The following NRTN variants were observed in gnomAD, a reference collection of about 807,000 sequenced individuals.
NRTN encodes neurturin.
Under a neutral mutation model 7.5 loss-of-function variants are expected in NRTN, and 3 were observed. That is an observed-to-expected ratio of 0.40 (90% CI 0.18 to 1.03). The LOEUF (loss-of-function observed/expected upper bound fraction) is 1.03. NRTN is among the 50% of genes least tolerant of loss of function. The pLI, the probability that NRTN is intolerant of heterozygous loss-of-function variation, is 0.34. For synonymous variants in NRTN, 157 were observed against 146.6 expected (o/e 1.07, Z -0.51); for missense variants, 310 against 307.0 (o/e 1.01, Z -0.07).
intron 1 of NRTN, among the ~76,000 whole-genome samples, chr19:5,808,944 A>G (rs2056981934): frequency 1.3e-5 from 2 of 150,750 alleles, no homozygotes; most frequent in South Asian, 4.2e-4. Context: ...TTTAGTAAGG[A>G]CGGGGTTTCA....
At chr19:5,826,740 GGGGCTTCC>G in intron 2 of NRTN, among the ~76,000 whole-genome samples, 1 of 152,294 alleles carries the variant, frequency 6.6e-6, no homozygotes, top group Non-Finnish European at 1.5e-5. Flanking sequence ...GTTCTCTCCC[GGGGCTTCC>G]GAGTTTGGGG....
At position 5,806,653 on chromosome 19, in the gene NRTN, C is replaced by T. The variant is rs1400006996; in HGVS notation, c.-399+1202C>T. On this transcript the variant is annotated intron_variant, in intron 1 of 2. Coordinates refer to ENST00000303212, the MANE Select transcript of NRTN (RefSeq NM_004558.5). The surrounding 1 kb of genome is among the most constrained non-coding windows in gnomAD (Gnocchi z 5.4). Reference sequence around the variant, plus strand: ...CCTCCTCCCTTCATCCTAAGACTCCCGAGGTTCATAGCTCCGGCACCGACT... The same window carrying T: ...CCTCCTCCCTTCATCCTAAGACTCCTGAGGTTCATAGCTCCGGCACCGACT... Among the ~76,000 whole-genome samples the T allele has an allele frequency of 2.0e-5, 3 of 152,084 alleles. No homozygotes were observed. The highest frequency in any genetic ancestry group is 4.4e-5 in the Non-Finnish European group (3 of 68,008).
At chr19:5,807,892 G>T (rs1388595188) in intron 1 of NRTN, among the ~76,000 whole-genome samples, 1 of 152,190 alleles carries the variant, frequency 6.6e-6, no homozygotes, top group Non-Finnish European at 1.5e-5. Flanking sequence ...AGACTAGCCT[G>T]GGAAACATAG....
chr19:5,817,541 GAGAA>G lies in NRTN; in HGVS notation c.-398-6224_-398-6221del, dbSNP rs1417154689. 1.6e-4 allele frequency among the ~76,000 whole-genome samples: 19 copies of G among 117,178 alleles called. No homozygotes were observed. In the East Asian group the frequency reaches 2.4e-3, roughly 15 times the overall value. 76.9% of individuals were successfully genotyped at this position (117,178 alleles called of 152,430 possible). ...GGAGAGAGAGAGGAAGAAAAAGAAA[GAGAA>G]AGGAAATAGGAAGGAAGGAAGGGAG... On this transcript the variant is annotated intron_variant, in intron 1 of 2. Coordinates refer to ENST00000303212, the MANE Select transcript of NRTN (RefSeq NM_004558.5).
Position 5,810,084 on chromosome 19 carries a change from C to T in NRTN, c.-399+4633C>T, listed in dbSNP as rs570820244. ...ATCAAGACCATCCTAGCTAACATGG[C>T]GAAACCCCGTCTCTACTAAAAATAC... On this transcript the variant is annotated intron_variant, in intron 1 of 2. Coordinates refer to ENST00000303212, the MANE Select transcript of NRTN (RefSeq NM_004558.5). Among the ~76,000 whole-genome samples, 729 of 151,080 alleles carry T rather than the reference C, an allele frequency of 4.8e-3. 2 individuals carry two copies. The highest frequency in any genetic ancestry group is 8.5e-3 in the Non-Finnish European group (573 of 67,658).
intron 1 of NRTN, among the ~76,000 whole-genome samples, chr19:5,814,818 C>T (rs1246884936): frequency 7.0e-6 from 1 of 142,808 alleles, no homozygotes; most frequent in Non-Finnish European, 1.6e-5. Flanking sequence ...GAGGTCTGTC[C>T]TAGGTCCTTC....
At chr19:5,817,455 AAG>A (rs201501685) in intron 1 of NRTN, among the ~76,000 whole-genome samples, 1,614 of 71,114 alleles carry the variant, frequency 0.023, 28 homozygotes, top group African/African-American at 0.093. Flanking sequence ...AAGGAAGGGA[AAG>A]AGAGAAAGAG....
At chr19:5,826,110 G>A (rs1053841664) in intron 2 of NRTN, among the ~76,000 whole-genome samples, 2 of 151,584 alleles carry the variant, frequency 1.3e-5, no homozygotes, top group Non-Finnish European at 2.9e-5. Context: ...ACTCCAGCCT[G>A]GGCGACAGAG....
intron 1 of NRTN, among the ~76,000 whole-genome samples, chr19:5,816,370 C>T (rs1196094526): frequency 6.6e-6 from 1 of 151,978 alleles, no homozygotes; most frequent in Non-Finnish European, 1.5e-5. Flanking sequence ...CTCTTCTCAT[C>T]TTCTTTTCTT....
chr19:5,808,757 CT>C (rs60945267), intron 1 of NRTN, among the ~76,000 whole-genome samples: 11,306 of 130,222 alleles, frequency 0.087, 475 homozygotes, highest in African/African-American at 0.17. Flanking sequence ...TCAATGGTGG[CT>C]TTTTTTTTTT....
chr19:5,826,008 G>C (rs1339601509), intron 2 of NRTN, among the ~76,000 whole-genome samples: 2 of 152,122 alleles, frequency 1.3e-5, no homozygotes, highest in Admixed American at 6.6e-5. Flanking sequence ...GGTGGCGGGC[G>C]CCTGTAGTCC....
chr19:5,811,349 G>A (rs1174664610), intron 1 of NRTN, among the ~76,000 whole-genome samples: 2 of 152,192 alleles, frequency 1.3e-5, no homozygotes, highest in East Asian at 1.9e-4. Context: ...CTGACCACCT[G>A]TGTTCAAATC....
In NRTN at chr19:5,805,411, C is replaced by CG. The variant is rs71172772; in HGVS notation, c.-438dup. 1 allele frequency among the ~76,000 whole-genome samples: 149,468 copies of CG among 149,474 alleles called. 74,731 individuals are homozygous for CG. Among genetic ancestry groups the CG allele is most frequent in the Middle Eastern group, 1 (288 of 288 alleles). ...CGGCGGCTGGGGCAGGGGCTGGGGC[C>CG]GCGCGGCCGCCACTGACGGGTAGTC... On this transcript the variant is annotated 5_prime_UTR_variant, in exon 1 of 3. It introduces an in-frame stop codon into an upstream open reading frame of the 5' UTR. Transcript: ENST00000303212.
At chr19:5,815,070 C>T (rs2057000792) in intron 1 of NRTN, among the ~76,000 whole-genome samples, 1 of 152,210 alleles carries the variant, frequency 6.6e-6, no homozygotes, top group South Asian at 2.1e-4. Context: ...GCTTCCCCTC[C>T]TCTCACTCTC....
At position 5,828,263 on chromosome 19, in the gene NRTN, C is replaced by G. The variant is rs184587169; in HGVS notation, c.*90C>G. 2.0e-5 allele frequency: 28 copies of G among 1,388,924 alleles called. No homozygotes were observed. The highest frequency in any genetic ancestry group is 2.7e-5 in the Non-Finnish European group (28 of 1,039,892). The allele number at this position is 1,388,924 out of a possible 1,614,324, so 86.0% of individuals were successfully genotyped here. A position where few individuals can be genotyped will look rare whatever the true frequency, so the allele number is the denominator to read the frequency against. ...CGCGAAAGACTGCGCGTGCGTAGAG[C>G]ACGCCGGCGCGGCCCCGGGACTCTC... On this transcript the variant is annotated 3_prime_UTR_variant, in exon 3 of 3. Transcript: ENST00000303212.
At chr19:5,816,857 G>C (rs188519710) in intron 1 of NRTN, among the ~76,000 whole-genome samples, 9 of 152,352 alleles carry the variant, frequency 5.9e-5, no homozygotes, top group Admixed American at 5.9e-4. Context: ...CCAAGTGTGT[G>C]AGTGTGGTCA....
chr19:5,822,717 A>G (rs926515186), intron 1 of NRTN, among the ~76,000 whole-genome samples: 2 of 152,178 alleles, frequency 1.3e-5, no homozygotes, highest in Non-Finnish European at 2.9e-5. Flanking sequence ...AAGGGGAGTG[A>G]GAGCTAGGTA....
At chr19:5,815,543 T>C (rs1007940206) in intron 1 of NRTN, among the ~76,000 whole-genome samples, 4 of 147,230 alleles carry the variant, frequency 2.7e-5, no homozygotes, top group African/African-American at 9.8e-5. Context: ...GCAATTCTCC[T>C]GCCTTACTCA....
intron 1 of NRTN, among the ~76,000 whole-genome samples, chr19:5,822,757 T>C (rs945000705): frequency 6.6e-6 from 1 of 152,172 alleles, no homozygotes; most frequent in African/African-American, 2.4e-5. Context: ...TCCCAGCTCT[T>C]TGGGAGGCCA....
Sources: allele counts gnomAD v4.1 joint callset (sites outside exome capture counted in the v4.1 genomes callset), GRCh38; gene constraint gnomAD v4.1.1; non-coding constraint Gnocchi (gnomAD v3.1); transcripts MANE v1.5; gene names NCBI Gene and HGNC (gene_info 2026-07-23, HGNC 2026-07-21).